The following SYT6 variants were observed in gnomAD, a reference collection of about 807,000 sequenced individuals.
The protein encoded by SYT6 is synaptotagmin 6.
In SYT6, 24 loss-of-function variants were observed where a neutral mutation model predicts 38.4. The ratio of observed to expected loss-of-function variants is 0.62; its 90% CI spans 0.45 to 0.88. The LOEUF (loss-of-function observed/expected upper bound fraction) is 0.88. Ranked by LOEUF, SYT6 falls within the 40% of genes least tolerant of loss-of-function variation. The pLI, the probability that SYT6 is intolerant of heterozygous loss-of-function variation, is 0.00. For synonymous variants in SYT6, 265 were observed against 241.9 expected, an observed-to-expected ratio of 1.10 and a Z score of -0.89; for missense variants, 611 against 621.0, an observed-to-expected ratio of 0.98 and a Z score of 0.17.
At position 114,117,560 on chromosome 1, in the gene SYT6, C is replaced by A. The variant is rs1341080275; in HGVS notation, c.1072-13839G>T. 5.3e-5 allele frequency among the ~76,000 whole-genome samples: 8 copies of A among 152,328 alleles called. No individual in the cohort carries two copies. In the East Asian group the frequency reaches 1.5e-3, roughly 29 times the overall value. ...GCCTGGATTTCAGAGGCCCCAGCTC[C>A]TGCCTGCAGGGCCCCATGGAAGCTG... On this transcript the variant is annotated intron_variant, in intron 3 of 7. Coordinates refer to ENST00000610222, the MANE Select transcript of SYT6 (RefSeq NM_001253772.2).
chr1:114,138,165 C>T (rs1484471915), intron 2 of SYT6, 112 bp from the exon 3 acceptor site: 19 of 1,039,496 alleles, frequency 1.8e-5, no homozygotes, highest in Middle Eastern at 2.9e-4. Flanking sequence ...TGTTGAGCCC[C>T]CTTTTCCTTC....
intron 4 of SYT6, 70 bp downstream of exon 4, chr1:114,103,531 T>G: frequency 6.3e-7 from 1 of 1,586,792 alleles, no homozygotes; most frequent in Non-Finnish European, 8.6e-7. Context: ...TTCTTTCTCC[T>G]TCTCCCCGAA....
At chr1:114,097,121 G>C (rs890784513) in intron 6 of SYT6, among the ~76,000 whole-genome samples, 1 of 152,174 alleles carries the variant, frequency 6.6e-6, no homozygotes, top group East Asian at 1.9e-4. Context: ...CCCAAGTCTT[G>C]GGACTCCCAG....
intron 3 of SYT6, among the ~76,000 whole-genome samples, chr1:114,109,724 T>C (rs1287788183): frequency 6.6e-6 from 1 of 152,162 alleles, no homozygotes; most frequent in East Asian, 1.9e-4. Context: ...TAGGTAGTAC[T>C]GTTTGGTTTG....
chr1:114,093,980 A>G (rs1365232687), intron 6 of SYT6, among the ~76,000 whole-genome samples, 177 bp from the exon 7 acceptor site: 1 of 152,172 alleles, frequency 6.6e-6, no homozygotes, highest in Admixed American at 6.5e-5. Context: ...TGAAAGGTAC[A>G]TTATAATCAC....
In SYT6 at chr1:114,105,309, C is replaced by T. The variant is rs74775068; in HGVS notation, c.1072-1588G>A. On this transcript the variant is annotated intron_variant, in intron 3 of 7. Transcript: ENST00000610222. ...TCCTGGAGACTCCTACAGCCCTGTT[C>T]CCCCCCTGGAGAATAAGCCAAGGCC... 8.4e-3 allele frequency among the ~76,000 whole-genome samples: 540 copies of T among 64,594 alleles called. 4 individuals carry two copies. The highest frequency in any genetic ancestry group is 0.032 in the African/African-American group (519 of 16,292). 42.4% of individuals were successfully genotyped at this position (64,594 alleles called of 152,430 possible). A position where few individuals can be genotyped will look rare whatever the true frequency, so the allele number is the denominator to read the frequency against.
intron 5 of SYT6, 61 bp downstream of exon 5, chr1:114,099,033 T>TGTGCTG: frequency 6.5e-7 from 1 of 1,529,340 alleles, no homozygotes; most frequent in East Asian, 2.3e-5. Context: ...CAAGGAGCCC[T>TGTGCTG]GTGCTGGTGC....
chr1:114,115,375 T>A (rs1391666682), intron 3 of SYT6, among the ~76,000 whole-genome samples: 1 of 152,152 alleles, frequency 6.6e-6, no homozygotes, highest in East Asian at 1.9e-4. Flanking sequence ...AGATTAACAG[T>A]TATGGAGCAT....
At chr1:114,133,015 G>T (rs1268876439) in intron 3 of SYT6, among the ~76,000 whole-genome samples, 1 of 152,104 alleles carries the variant, frequency 6.6e-6, no homozygotes, top group African/African-American at 2.4e-5. Context: ...CAAGCCAGAG[G>T]CTATTCTACC....
rs1481709291 is a variant in SYT6, at chr1:114,091,178, T to A, written c.*956A>T. Reference sequence around the variant, plus strand: ...CATGGAATTATAAAGCTATGTATAATGCAGAAATCATTCCAGAACATATGT... The same window carrying A: ...CATGGAATTATAAAGCTATGTATAAAGCAGAAATCATTCCAGAACATATGT... On this transcript the variant is annotated 3_prime_UTR_variant, in exon 8 of 8. Transcript: ENST00000610222. The A allele has an allele frequency of 6.5e-6, 1 of 152,834 alleles. No homozygotes were observed. Among genetic ancestry groups the A allele is most frequent in the Non-Finnish European group, 1.5e-5 (1 of 68,054 alleles). 9.5% of individuals were successfully genotyped at this position (152,834 alleles called of 1,614,324 possible). A position where few individuals can be genotyped will look rare whatever the true frequency, so the allele number is the denominator to read the frequency against.
At chr1:114,133,989 C>A (rs1312956987) in intron 3 of SYT6, among the ~76,000 whole-genome samples, 1 of 152,174 alleles carries the variant, frequency 6.6e-6, no homozygotes, top group East Asian at 1.9e-4. Context: ...GGGGTGGGAA[C>A]AAGGGACCTG....
rs1571898142 is a variant in SYT6 at position 114,143,104 on chromosome 1, T to C, written c.164-3141A>G. On this transcript the variant is annotated intron_variant, in intron 1 of 7. Transcript: ENST00000610222. ...ATTTACAGTATATTACAGTATATTTTATACTGTGTGTATATGTATATATTC... is the reference window on the plus strand; with the variant it reads ...ATTTACAGTATATTACAGTATATTTCATACTGTGTGTATATGTATATATTC... Among the ~76,000 whole-genome samples, 3 of 149,766 alleles carry C rather than the reference T, an allele frequency of 2.0e-5. No individual in the cohort carries two copies. In the South Asian group the frequency reaches 6.3e-4, roughly 31 times the overall value.
rs567538780 is a variant in SYT6 at position 114,093,714 on chromosome 1, G to A, written c.*51+21C>T. Reference sequence around the variant, plus strand: ...AGGTAATAAGCAACCTAACGTCTTTGGGTCCACACCAGGTACTTACTCCTA... The same window carrying A: ...AGGTAATAAGCAACCTAACGTCTTTAGGTCCACACCAGGTACTTACTCCTA... On this transcript the variant is annotated intron_variant, in intron 7 of 7. Transcript: ENST00000610222. 2.5e-6 allele frequency: 4 copies of A among 1,609,252 alleles called. No individual in the cohort carries two copies. The East Asian group carries it at 8.9e-5, about 36-fold the overall frequency.
chr1:114,126,310 C>T (rs115966935), intron 3 of SYT6, among the ~76,000 whole-genome samples: 687 of 152,220 alleles, frequency 4.5e-3, no homozygotes, highest in African/African-American at 0.016. Context: ...CCATGGTCCG[C>T]GGGAAAATGT....
chr1:114,099,941 C>T (rs896269913), intron 4 of SYT6, among the ~76,000 whole-genome samples: 1 of 152,120 alleles, frequency 6.6e-6, no homozygotes, highest in Admixed American at 6.5e-5. Context: ...CACTTCTGGA[C>T]AGTGGAGAAT....
chr1:114,152,933 G>C (rs1372182269), intron 1 of SYT6: 1 of 152,342 alleles, frequency 6.6e-6, no homozygotes, highest in East Asian at 1.9e-4. Context: ...GAGTCCGAGA[G>C]GGACGGAGGG....
chr1:114,114,155 G>T (rs1676855015), intron 3 of SYT6, among the ~76,000 whole-genome samples: 1 of 152,168 alleles, frequency 6.6e-6, no homozygotes, highest in South Asian at 2.1e-4. Context: ...GGTCTGTTTT[G>T]CCAGGGCCAG....
intron 3 of SYT6, among the ~76,000 whole-genome samples, chr1:114,126,984 T>C (rs1009629343): frequency 2.0e-5 from 3 of 152,212 alleles, no homozygotes; most frequent in African/African-American, 7.2e-5. Context: ...TAAGGCCATT[T>C]CTTCTGAAGC....
In SYT6 at chr1:114,091,852, A is replaced by C; in HGVS notation, c.*282T>G. The C allele has an allele frequency of 1.6e-6, 1 of 622,196 alleles. No homozygotes were observed. The highest frequency in any genetic ancestry group is 2.7e-6 in the Non-Finnish European group (1 of 366,602). The allele number at this position is 622,196 out of a possible 1,614,324, so 38.5% of individuals were successfully genotyped here. ...CTAAGACAGATCTGACCACATGACA[A>C]GTGTCTCAGCTTTGACCTACACAGG... is the stretch of plus-strand genomic sequence containing the variant. On this transcript the variant is annotated 3_prime_UTR_variant, in exon 8 of 8. Transcript: ENST00000610222.
Sources: gnomAD v4.1 joint callset for allele counts (sites outside exome capture counted in the v4.1 genomes callset) on GRCh38, gnomAD v4.1.1 for gene constraint, MANE v1.5 for transcripts, NCBI Gene and HGNC (gene_info 2026-07-23, HGNC 2026-07-21) for gene names.